Variants in MAML2 observed in about 807,000 individuals in gnomAD.
The protein encoded by MAML2 is mastermind like transcriptional coactivator 2, also known as mastermind-like protein 2.
In MAML2, 22 loss-of-function variants were observed where a neutral mutation model predicts 96.1. The observed-to-expected ratio is 0.23, with a 90% CI of 0.16 to 0.33. MAML2 has a LOEUF of 0.33. Among genes scored for constraint, MAML2 ranks in the 10% least tolerant of loss-of-function variants. MAML2 has a pLI of 1.00. For synonymous variants in MAML2, 561 were observed against 521.3 expected, an observed-to-expected ratio of 1.08 and a Z score of -1.04; for missense variants, 1,367 against 1,392.4, an observed-to-expected ratio of 0.98 and a Z score of 0.29.
chr11:96,037,372 C>T (rs1858734878), intron 2 of MAML2, among the ~76,000 whole-genome samples: 1 of 152,206 alleles, frequency 6.6e-6, no homozygotes, highest in South Asian at 2.1e-4. Flanking sequence ...TGTTCTCTCT[C>T]TTGCTCTTTC....
rs1857857690 is a variant in MAML2 at position 95,988,142 on chromosome 11, T to TGTGTGC, written c.2344-2501_2344-2500insGCACAC. On this transcript the variant is annotated intron_variant, in intron 3 of 4. Coordinates refer to ENST00000524717, the MANE Select transcript of MAML2 (RefSeq NM_032427.4). Reference sequence around the variant, plus strand: ...GTGTGTGTGTGTGTGTGTGTGTGTGTGTATGTGTGAGAGTGAGAGAGAAAG... The same window carrying TGTGTGC: ...GTGTGTGTGTGTGTGTGTGTGTGTGTGTGTGCGTATGTGTGAGAGTGAGAGAGAAAG... Among the ~76,000 whole-genome samples the TGTGTGC allele has an allele frequency of 3.9e-5, 6 of 151,996 alleles. No homozygotes were observed. The South Asian group carries it at 1.2e-3, about 32-fold the overall frequency.
chr11:96,031,043 C>T (rs1858606475), intron 2 of MAML2, among the ~76,000 whole-genome samples: 1 of 152,160 alleles, frequency 6.6e-6, no homozygotes, highest in South Asian at 2.1e-4. Context: ...GTCACCCAAA[C>T]CTGGGCTTGA....
intron 1 of MAML2, among the ~76,000 whole-genome samples, chr11:96,190,841 C>G (rs946397858): frequency 3.9e-5 from 6 of 152,092 alleles, no homozygotes; most frequent in Admixed American, 3.9e-4. Context: ...TACTGAGGGC[C>G]TATTGTGAAA....
chr11:95,978,073 C>T lies in MAML2; in HGVS notation c.*875G>A. The T allele has an allele frequency of 4.6e-6, 1 of 218,178 alleles. No individual in the cohort carries two copies. The highest frequency in any genetic ancestry group is 9.2e-6 in the Non-Finnish European group (1 of 108,572). 13.5% of individuals were successfully genotyped at this position (218,178 alleles called of 1,614,324 possible). A position where few individuals can be genotyped will look rare whatever the true frequency, so the allele number is the denominator to read the frequency against. On this transcript the variant is annotated 3_prime_UTR_variant, in exon 5 of 5. Coordinates refer to ENST00000524717, the MANE Select transcript of MAML2 (RefSeq NM_032427.4). ...TGGGAACAAACCAGCAGGCATCAATCATAATAAGCAACATCCCAGGTTATT... is the reference window on the plus strand; with the variant it reads ...TGGGAACAAACCAGCAGGCATCAATTATAATAAGCAACATCCCAGGTTATT...
intron 1 of MAML2, among the ~76,000 whole-genome samples, chr11:96,111,487 C>G (rs2058616208): frequency 1.3e-5 from 2 of 152,214 alleles, no homozygotes; most frequent in African/African-American, 4.8e-5. Context: ...ACTCAGATCT[C>G]TCTAATCACA....
At position 96,239,314 on chromosome 11, in the gene MAML2, T is replaced by C. The variant is rs561726590; in HGVS notation, c.513+102069A>G. On this transcript the variant is annotated intron_variant, in intron 1 of 4. Transcript: ENST00000524717. ...TCTTTCCTTCCTTGAGTGATGGCAG[T>C]AGAAGAGACGGAAGTGAATAGCTGT... Among the ~76,000 whole-genome samples the C allele has an allele frequency of 2.0e-5, 3 of 152,314 alleles. No individual in the cohort carries two copies. The South Asian group carries it at 6.2e-4, about 32-fold the overall frequency.
rs1451222764 is a variant in MAML2 at position 96,091,876 on chromosome 11, G to A, written c.2139+16C>T. On this transcript the variant is annotated intron_variant, in intron 2 of 4. Transcript: ENST00000524717. ...GGTCTCTGGGAACTCTGTATTTGGA[G>A]TAGTAGAGCCCTTACCTGTCTCTGT... 1.9e-6 allele frequency: 3 copies of A among 1,606,496 alleles called. No homozygotes were observed. Among genetic ancestry groups the A allele is most frequent in the African/African-American group, 2.7e-5 (2 of 74,766 alleles).
rs202182709 is a variant in MAML2 at position 96,038,053 on chromosome 11, C to T, written c.2140-46330G>A. 3.9e-5 allele frequency among the ~76,000 whole-genome samples: 6 copies of T among 151,946 alleles called. No homozygotes were observed. The East Asian group carries it at 7.7e-4, about 20-fold the overall frequency. On this transcript the variant is annotated intron_variant, in intron 2 of 4. Coordinates refer to ENST00000524717, the MANE Select transcript of MAML2 (RefSeq NM_032427.4). ...AATATTCTGGCATCTATATTTTACT[C>T]GTAAAATATGAAAGCAGGTAAATAT...
At chr11:96,238,162 G>T (rs972421758) in intron 1 of MAML2, among the ~76,000 whole-genome samples, 1 of 152,172 alleles carries the variant, frequency 6.6e-6, no homozygotes, top group Admixed American at 6.6e-5. Flanking sequence ...TTAGTTGGGG[G>T]TTTCATTAAT....
chr11:96,000,534 T>A (rs1283990594), intron 2 of MAML2, among the ~76,000 whole-genome samples: 1 of 152,352 alleles, frequency 6.6e-6, no homozygotes, highest in South Asian at 2.1e-4. Context: ...TAATGTGAGA[T>A]ACTTTGGTCT....
intron 1 of MAML2, among the ~76,000 whole-genome samples, chr11:96,141,097 C>T (rs1277055361): frequency 6.6e-6 from 1 of 152,056 alleles, no homozygotes; most frequent in East Asian, 1.9e-4. Context: ...TTATCCAATA[C>T]TCAAAGGCTT....
intron 1 of MAML2, among the ~76,000 whole-genome samples, chr11:96,238,148 T>C (rs1460931975): frequency 1.3e-5 from 2 of 152,216 alleles, no homozygotes; most frequent in African/African-American, 4.8e-5. Flanking sequence ...AGAGCTTTAG[T>C]TGTTTAGTTG....
chr11:95,981,368 C>T lies in MAML2; in HGVS notation c.2456-1405G>A, dbSNP rs529327102. ...TGACTTCTGGAGGTTAAAGTCATCA[C>T]GAGGAAATATTTTTGGAGGCAAAGA... On this transcript the variant is annotated intron_variant, in intron 4 of 4. Transcript: ENST00000524717. Among the ~76,000 whole-genome samples the T allele has an allele frequency of 6.6e-5, 10 of 152,164 alleles. No individual in the cohort carries two copies. The South Asian group carries it at 1.9e-3, about 28-fold the overall frequency.
At chr11:95,992,883 T>TC (rs1857934331) in intron 2 of MAML2, among the ~76,000 whole-genome samples, 1 of 147,908 alleles carries the variant, frequency 6.8e-6, no homozygotes, top group African/African-American at 2.5e-5. Flanking sequence ...TCCAACTCTC[T>TC]CTTTTTTTTT....
At chr11:96,045,715 T>C (rs1383926108) in intron 2 of MAML2, among the ~76,000 whole-genome samples, 2 of 152,194 alleles carry the variant, frequency 1.3e-5, no homozygotes, top group Admixed American at 6.5e-5. Flanking sequence ...GTCACTCAGA[T>C]AACTGAGTTA....
intron 2 of MAML2, among the ~76,000 whole-genome samples, chr11:96,024,478 G>A (rs903121330): frequency 1.3e-5 from 2 of 152,210 alleles, no homozygotes; most frequent in Admixed American, 6.5e-5. Flanking sequence ...GAATTTCTTT[G>A]TTTTCCTCCA....
intron 1 of MAML2, among the ~76,000 whole-genome samples, chr11:96,268,246 G>T (rs1215649748): frequency 6.6e-6 from 1 of 152,202 alleles, no homozygotes; most frequent in African/African-American, 2.4e-5. Flanking sequence ...AGGCTGAGGA[G>T]GGAGAGTCAC....
At chr11:96,162,635 C>T (rs1330001795) in intron 1 of MAML2, among the ~76,000 whole-genome samples, 8 of 150,578 alleles carry the variant, frequency 5.3e-5, no homozygotes, top group South Asian at 2.1e-4. Flanking sequence ...CGCTTGAACC[C>T]GAGAGGTGGA....
intron 1 of MAML2, among the ~76,000 whole-genome samples, chr11:96,243,846 G>C (rs1011923098): frequency 1.2e-4 from 18 of 152,148 alleles, no homozygotes; most frequent in South Asian, 8.3e-4. Flanking sequence ...GTAGAGAAAG[G>C]GTTTCACCGT....
Sources: allele counts gnomAD v4.1 joint callset (sites outside exome capture counted in the v4.1 genomes callset), GRCh38; gene constraint gnomAD v4.1.1; transcripts MANE v1.5; gene names NCBI Gene and HGNC (gene_info 2026-07-23, HGNC 2026-07-21).